Variants in ECE1 observed in about 807,000 individuals in gnomAD.
The protein encoded by ECE1 is endothelin-converting enzyme 1.
ECE1 carries 35 observed loss-of-function variants against 98.6 expected under a neutral mutation model. The observed-to-expected ratio is 0.35, with a 90% CI of 0.27 to 0.47. The LOEUF is 0.47. Ranked by LOEUF, ECE1 falls within the 20% of genes least tolerant of loss-of-function variation. The pLI is 1.00. For synonymous variants in ECE1, 394 were observed against 407.1 expected, an observed-to-expected ratio of 0.97 and a Z score of 0.39; for missense variants, 814 against 1,025.3, an observed-to-expected ratio of 0.79 and a Z score of 2.81.
At position 21,218,175 on chromosome 1, in the gene ECE1, C is replaced by G. The variant is rs28368056; in HGVS notation, c.*1780G>C. On this transcript the variant is annotated 3_prime_UTR_variant, in exon 19 of 19. Transcript: ENST00000374893. The surrounding 1 kb of genome is among the most constrained non-coding windows in gnomAD (Gnocchi z 4.0). ...CCAGACTGGGTGGAGGAATCTTCCC[C>G]TCACAATGTCCCCTGGCTAAAAGCA... is the stretch of plus-strand genomic sequence containing the variant. 4,168 of 152,376 alleles carry G rather than the reference C, an allele frequency of 0.027. 87 individuals carry two copies. The highest frequency in any genetic ancestry group is 0.034 in the Non-Finnish European group (2,335 of 68,096). The allele number at this position is 152,376 out of a possible 1,614,324, so 9.4% of individuals were successfully genotyped here.
chr1:21,297,494 T>TG (rs1638385957), intron 1 of ECE1, among the ~76,000 whole-genome samples: 1 of 151,752 alleles, frequency 6.6e-6, no homozygotes, highest in Non-Finnish European at 1.5e-5. Flanking sequence ...TTTCAGCTCC[T>TG]GGCTAGCTCC....
chr1:21,308,886 G>A (rs1638655994), intron 1 of ECE1, among the ~76,000 whole-genome samples: 1 of 152,158 alleles, frequency 6.6e-6, no homozygotes, highest in African/African-American at 2.4e-5. Context: ...CCCAGTACCT[G>A]GGCTATGAGC....
chr1:21,227,014 A>T, intron 16 of ECE1, 145 bp downstream of exon 16: 1 of 771,180 alleles, frequency 1.3e-6, no homozygotes, highest in Non-Finnish European at 2.2e-6. Flanking sequence ...ATAATCCATC[A>T]TGCACAGCCT....
In ECE1 at chr1:21,233,783, G is replaced by GCCCT; in HGVS notation, c.1567-123_1567-122insAGGG. 2.3e-6 allele frequency: 2 copies of GCCCT among 880,882 alleles called. No homozygotes were observed. The highest frequency in any genetic ancestry group is 3.6e-6 in the Non-Finnish European group (2 of 550,278). The allele number at this position is 880,882 out of a possible 1,614,324, so 54.6% of individuals were successfully genotyped here. The stretch of plus-strand genomic sequence containing the variant: ...CTGCAGGCTGGAGACCGGAATGCAG[G>GCCCT]GCTTGGGGCTGCAGGGTCAGCTCTT... On this transcript the variant is annotated intron_variant, in intron 13 of 18. Transcript: ENST00000374893. This position sits in a 1 kb window ranked among gnomAD's most constrained non-coding sequence, Gnocchi z 4.0.
chr1:21,305,971 A>G (rs1439274512), intron 1 of ECE1, among the ~76,000 whole-genome samples: 1 of 152,238 alleles, frequency 6.6e-6, no homozygotes, highest in East Asian at 1.9e-4. Flanking sequence ...CTAGGAACAA[A>G]GAGGGCTGGC....
chr1:21,279,242 C>T lies in ECE1; in HGVS notation c.229G>A (p.Ala77Thr), dbSNP rs1357347111. The change falls in exon 3 of 19, where the codon GCG becomes ACG. Residue 77 changes from alanine (A) to threonine (T), a missense_variant. By Grantham distance (58) the Ala-to-Thr change is moderately conservative. Transcript: ENST00000374893. The stretch of plus-strand genomic sequence containing the variant: ...GCCAAGCAGGCCACCAGTCCTGCCG[C>T]CAGAAGTACCACCAACACCACCAGC... The part of the protein sequence containing the change: ...KRLVVLVVLL[A>T]AGLVACLAAL... The T allele has an allele frequency of 1.2e-6, 2 of 1,614,098 alleles. No homozygotes were observed. The highest frequency in any genetic ancestry group is 3.3e-5 in the Admixed American group (2 of 60,006).
chr1:21,221,693 A>G, intron 18 of ECE1, 54 bp downstream of exon 18: 6 of 1,575,424 alleles, frequency 3.8e-6, no homozygotes, highest in Non-Finnish European at 5.2e-6. Flanking sequence ...GGGCTCTTGA[A>G]ACATCAAGAT....
Position 21,220,147 on chromosome 1 carries a change from A to T in ECE1, c.2137-16T>A. ...AGCACCAGACCTTTGAAGGGGCAAC[A>T]GGGAGAGGCCAGGGTCACTGTGGGG... On this transcript the variant is annotated splice_polypyrimidine_tract_variant and intron_variant, in intron 18 of 18. Transcript: ENST00000374893. The surrounding 1 kb of genome is among the most constrained non-coding windows in gnomAD (Gnocchi z 5.0). The T allele has an allele frequency of 6.2e-7, 1 of 1,604,284 alleles. No individual in the cohort carries two copies. Among genetic ancestry groups the T allele is most frequent in the Non-Finnish European group, 8.5e-7 (1 of 1,173,448 alleles).
At chr1:21,247,879 C>T (rs768851579) in intron 8 of ECE1, among the ~76,000 whole-genome samples, 6 of 152,164 alleles carry the variant, frequency 3.9e-5, no homozygotes, top group Non-Finnish European at 8.8e-5. Flanking sequence ...GCCTCAGTAT[C>T]TTGTCTGAGA....
rs1439675764 is a variant in ECE1 at position 21,272,694 on chromosome 1, C to T, written c.493+5G>A. 6.2e-7 allele frequency: 1 copy of T among 1,614,264 alleles called. No homozygotes were observed. On this transcript the variant is annotated splice_donor_5th_base_variant and intron_variant, in intron 4 of 18. Coordinates refer to ENST00000374893, the MANE Select transcript of ECE1 (RefSeq NM_001397.3). ...CATTTATTGGTCTCCATGCTGGATG[C>T]TTACCGAGGAGGTGCTTGATGATTG...
intron 1 of ECE1, among the ~76,000 whole-genome samples, chr1:21,337,503 C>T (rs1639324570): frequency 6.6e-6 from 1 of 152,180 alleles, no homozygotes; most frequent in Non-Finnish European, 1.5e-5. Flanking sequence ...AAAACGTGAG[C>T]TGTACAAGAT....
At chr1:21,273,405 A>C (rs1437052603) in intron 3 of ECE1, among the ~76,000 whole-genome samples, 2 of 151,852 alleles carry the variant, frequency 1.3e-5, no homozygotes, top group Non-Finnish European at 2.9e-5. Flanking sequence ...TATTGGGCAT[A>C]AAAAGGCAGA....
intron 1 of ECE1, among the ~76,000 whole-genome samples, chr1:21,325,987 C>T (rs550127079): frequency 6.6e-6 from 1 of 152,268 alleles, no homozygotes; most frequent in South Asian, 2.1e-4. Context: ...GTGATTTCCA[C>T]AACGGAGCTC....
chr1:21,258,369 C>T lies in ECE1; in HGVS notation c.762+324G>A, dbSNP rs1157829425. On this transcript the variant is annotated intron_variant, in intron 6 of 18. Transcript: ENST00000374893. The surrounding 1 kb of genome is among the most constrained non-coding windows in gnomAD (Gnocchi z 4.2). The stretch of plus-strand genomic sequence containing the variant: ...GGGAGAGATGGATTCAAACCCATTC[C>T]AAGAAGAGTTACAAAGAGCAGACGC... 1.3e-5 allele frequency among the ~76,000 whole-genome samples: 2 copies of T among 152,172 alleles called. No individual in the cohort carries two copies. Among genetic ancestry groups the T allele is most frequent in the African/African-American group, 4.8e-5 (2 of 41,440 alleles).
In ECE1 at chr1:21,326,669, C is replaced by G. The variant is rs369676883; in HGVS notation, c.3+18707G>C. ...GCAGCGTAGGGAGGTGGGGCGAGGC[C>G]TGCAGAGCTAAGAATCCATTTAACT... On this transcript the variant is annotated intron_variant, in intron 1 of 18. Transcript: ENST00000415912. 1.4e-4 allele frequency among the ~76,000 whole-genome samples: 21 copies of G among 152,172 alleles called. No homozygotes were observed. In the East Asian group the frequency reaches 2.3e-3, roughly 17 times the overall value.
intron 8 of ECE1, among the ~76,000 whole-genome samples, chr1:21,251,639 CA>C (rs939818783): frequency 2.6e-5 from 4 of 152,324 alleles, no homozygotes; most frequent in African/African-American, 4.8e-5. Context: ...ACTTGGGGGC[CA>C]GGGGGCTCCA....
At chr1:21,297,086 C>A (rs929898376) in intron 1 of ECE1, among the ~76,000 whole-genome samples, 5 of 152,208 alleles carry the variant, frequency 3.3e-5, no homozygotes, top group African/African-American at 1.2e-4. Flanking sequence ...ACCACTCTGG[C>A]GTGGCCCCGA....
chr1:21,228,423 CAGTT>C (rs370801758), intron 14 of ECE1, among the ~76,000 whole-genome samples: 3 of 152,194 alleles, frequency 2.0e-5, no homozygotes, highest in African/African-American at 7.2e-5. Context: ...AATAAGGAAT[CAGTT>C]AATTAATGAT....
At chr1:21,331,052 G>A (rs1036433688) in intron 1 of ECE1, among the ~76,000 whole-genome samples, 7 of 152,108 alleles carry the variant, frequency 4.6e-5, no homozygotes, top group African/African-American at 1.4e-4. Flanking sequence ...GAGGCAGGAC[G>A]ATCGCTTGAG....
Sources: gnomAD v4.1 joint callset for allele counts (sites outside exome capture counted in the v4.1 genomes callset) on GRCh38, gnomAD v4.1.1 for gene constraint, Gnocchi (gnomAD v3.1) non-coding constraint, MANE v1.5 for transcripts, NCBI Gene and HGNC (gene_info 2026-07-23, HGNC 2026-07-21) for gene names.